The following MYO1C variants were observed in gnomAD, a reference collection of about 807,000 sequenced individuals.
MYO1C encodes the protein unconventional myosin-Ic.
In MYO1C, 104 loss-of-function variants were observed where a neutral mutation model predicts 150.8. The observed-to-expected ratio is 0.69, with a 90% confidence interval of 0.59 to 0.81. The LOEUF (loss-of-function observed/expected upper bound fraction) is 0.81, where lower values mean the gene tolerates loss of function less well. Ranked by LOEUF, MYO1C falls within the 30% of genes least tolerant of loss-of-function variation. The probability of loss-of-function intolerance (pLI) is 0.00; values close to 1 mark genes in which losing one functional copy is unlikely to be tolerated. For missense variants in MYO1C, 1,504 were observed against 1,435.0 expected (o/e 1.05, Z -0.78); for synonymous variants, 663 against 579.9 (o/e 1.14, Z -2.06).
At chr17:1,467,386 C>A (rs200723741) in intron 30 of MYO1C, 45 bp from the exon 31 acceptor site, 5 of 1,598,074 alleles carry the variant, frequency 3.1e-6, no homozygotes, top group Non-Finnish European at 3.4e-6. Flanking sequence ...GAGGCAGACC[C>A]CCAACCCTAA....
rs114607103 is a variant in MYO1C at position 1,479,063 on chromosome 17, C to T, written c.1093-328G>A. On this transcript the variant is annotated intron_variant, in intron 9 of 31. Transcript: ENST00000648651. This position sits in a 1 kb window ranked among gnomAD's most constrained non-coding sequence, Gnocchi z 4.2. ...GAGTCTAGCTCTGTTGCCGTGATCT[C>T]GGCTCACTGCAACCTCCACCTCCCG... Among the ~76,000 whole-genome samples, 5 of 152,246 alleles carry T rather than the reference C, an allele frequency of 3.3e-5. No homozygotes were observed. The highest frequency in any genetic ancestry group is 6.5e-5 in the Admixed American group (1 of 15,284).
intron 17 of MYO1C, among the ~76,000 whole-genome samples, chr17:1,473,088 T>C (rs1380650674): frequency 6.6e-6 from 1 of 152,202 alleles, no homozygotes; most frequent in African/African-American, 2.4e-5. Flanking sequence ...TAATCCCAGC[T>C]ACTCGTGAGT....
chr17:1,465,913 C>T (rs1212677819), intron 31 of MYO1C, among the ~76,000 whole-genome samples, 161 bp from the exon 32 acceptor site: 3 of 152,160 alleles, frequency 2.0e-5, no homozygotes, highest in Non-Finnish European at 2.9e-5. Flanking sequence ...GCTGTCCTCC[C>T]ACCTCTGCTT....
In MYO1C at chr17:1,469,597, C is replaced by A. The variant is rs1382395705; in HGVS notation, c.2544G>T (p.Arg848=). 2 of 1,612,658 alleles carry A rather than the reference C, an allele frequency of 1.2e-6. No homozygotes were observed. The highest frequency in any genetic ancestry group is 2.7e-5 in the African/African-American group (2 of 74,912). ...PALREASELL[R]ELCIKNMVWK... ...ACACCATGTTCTTTATGCACAACTC[C>A]CGCAGAAGCTCTGAGGCCTAAGGGG... Residue 848 remains arginine, a synonymous_variant, in exon 25 of 32, where the codon CGG becomes CGT. Transcript: ENST00000648651.
At chr17:1,471,396 A>C in intron 19 of MYO1C, 60 bp from the exon 20 acceptor site, 2 of 1,456,804 alleles carry the variant, frequency 1.4e-6, no homozygotes, top group Non-Finnish European at 1.9e-6. Context: ...GGGGACCCCA[A>C]TCAGCTTTCT....
At chr17:1,482,062 TTA>T (rs1598342017) in intron 5 of MYO1C, among the ~76,000 whole-genome samples, 1 of 152,114 alleles carries the variant, frequency 6.6e-6, no homozygotes. Context: ...TCTATTTTTT[TTA>T]GAGACAGGGT....
In MYO1C at chr17:1,492,637, G is replaced by A. The variant is rs2074748940; in HGVS notation, c.-150C>T. 16 of 731,034 alleles carry A rather than the reference G, an allele frequency of 2.2e-5. No homozygotes were observed. The South Asian group carries it at 2.5e-4, about 12-fold the overall frequency. 45.3% of individuals were successfully genotyped at this position (731,034 alleles called of 1,614,324 possible). On this transcript the variant is annotated 5_prime_UTR_variant, in exon 1 of 32. Coordinates refer to ENST00000648651, the MANE Select transcript of MYO1C (RefSeq NM_001080779.2). ...GTTCTGCTTCAACTGCAGCCCCAGG[G>A]GATGTGGCTGGTCCAGCTCCTCAGG...
intron 7 of MYO1C, among the ~76,000 whole-genome samples, chr17:1,480,162 A>G (rs2074488923): frequency 7.0e-6 from 1 of 142,372 alleles, no homozygotes; most frequent in Admixed American, 7.2e-5. Flanking sequence ...AAAAAAAAAA[A>G]AAAAAAGGGA....
At chr17:1,472,300 C>T in intron 17 of MYO1C, 72 bp from the exon 18 acceptor site, 1 of 1,355,844 alleles carries the variant, frequency 7.4e-7, no homozygotes, top group South Asian at 1.2e-5. Context: ...GCGAGTACCC[C>T]ACTCCCCTGG....
intron 25 of MYO1C, chr17:1,468,732 A>G: frequency 1.7e-6 from 1 of 576,864 alleles, no homozygotes; most frequent in South Asian, 2.0e-5. Context: ...GGGTTTTGAA[A>G]CTGGCCTTGG....
intron 1 of MYO1C, among the ~76,000 whole-genome samples, chr17:1,488,243 G>A (rs1272845930): frequency 6.6e-6 from 1 of 152,122 alleles, no homozygotes; most frequent in African/African-American, 2.4e-5. Flanking sequence ...GGGCCGCGCC[G>A]CCGCATTCCC....
At position 1,484,174 on chromosome 17, in the gene MYO1C, G is replaced by T. The variant is rs550955554; in HGVS notation, c.205C>A (p.Arg69=). ...TAGATGAGATTCTCCCGAAATCGCC[G>T]CCGCAGGTTCTCGATGAAGGCGGCC... ...SEAAFIENLR[R]RFRENLIYTY... The change falls in exon 2 of 32, where the codon CGG becomes AGG. Residue 69 remains arginine, a synonymous_variant. Coordinates refer to ENST00000648651, the MANE Select transcript of MYO1C (RefSeq NM_001080779.2). The T allele has an allele frequency of 3.1e-6, 5 of 1,612,796 alleles. No individual in the cohort carries two copies. Among genetic ancestry groups the T allele is most frequent in the Non-Finnish European group, 4.2e-6 (5 of 1,180,014 alleles).
intron 1 of MYO1C, chr17:1,491,668 G>C (rs1412792305): frequency 3.1e-6 from 3 of 980,256 alleles, no homozygotes; most frequent in Non-Finnish European, 3.6e-6. Flanking sequence ...TCCGCGGCCC[G>C]GGCGCACTCT....
At chr17:1,490,529 A>G (rs940291732) in intron 1 of MYO1C, among the ~76,000 whole-genome samples, 9 of 151,714 alleles carry the variant, frequency 5.9e-5, no homozygotes, top group African/African-American at 2.2e-4. Context: ...AAAAACAAAC[A>G]AAAACCTCAC....
intron 1 of MYO1C, among the ~76,000 whole-genome samples, chr17:1,489,890 A>AG (rs2074709414): frequency 6.6e-6 from 1 of 151,924 alleles, no homozygotes; most frequent in African/African-American, 2.4e-5. Flanking sequence ...AATACAAAAA[A>AG]TTAGCAGGGT....
rs768373771 is a variant in MYO1C, at chr17:1,478,658, A to G, written c.1170T>C (p.Phe390=). The G allele has an allele frequency of 3.7e-6, 6 of 1,614,148 alleles. No individual in the cohort carries two copies. In the Admixed American group the frequency reaches 8.3e-5, roughly 22 times the overall value. The part of the protein sequence containing the change: ...ALAKAVYSRT[F]TWLVGKINRS... Reference sequence around the variant, plus strand: ...TGTTGATCTTCCCGACGAGCCAGGTAAAAGTGCGGCTGTACACAGCCTTGG... The same window carrying G: ...TGTTGATCTTCCCGACGAGCCAGGTGAAAGTGCGGCTGTACACAGCCTTGG... Residue 390 remains phenylalanine (F), a synonymous_variant, in exon 10 of 32, where the codon TTT becomes TTC. Coordinates refer to ENST00000648651, the MANE Select transcript of MYO1C (RefSeq NM_001080779.2). The surrounding 1 kb of genome is among the most constrained non-coding windows in gnomAD (Gnocchi z 6.3).
At chr17:1,490,047 A>AAAG (rs2074711085) in intron 1 of MYO1C, among the ~76,000 whole-genome samples, 1 of 151,432 alleles carries the variant, frequency 6.6e-6, no homozygotes, top group Non-Finnish European at 1.5e-5. Context: ...AAAAAAAAAA[A>AAAG]AAAAAAAGAG....
intron 14 of MYO1C, among the ~76,000 whole-genome samples, 185 bp from the exon 15 acceptor site, chr17:1,475,217 G>A (rs1339733913): frequency 2.6e-5 from 4 of 152,156 alleles, no homozygotes; most frequent in Admixed American, 1.3e-4. Flanking sequence ...TCAGTACTTC[G>A]AGACCAGCTT....
At chr17:1,471,792 C>A in intron 19 of MYO1C, 115 bp downstream of exon 19, 1 of 1,127,314 alleles carries the variant, frequency 8.9e-7, no homozygotes. Context: ...CAGCCCAGGG[C>A]CTCCGCATCC....
Sources: allele counts gnomAD v4.1 joint callset (sites outside exome capture counted in the v4.1 genomes callset), GRCh38; gene constraint gnomAD v4.1.1; non-coding constraint Gnocchi (gnomAD v3.1); transcripts MANE v1.5; gene names NCBI Gene and HGNC (gene_info 2026-07-23, HGNC 2026-07-21).